KIF1B: variants seen among roughly 807,000 people sequenced by gnomAD.
The protein encoded by KIF1B is kinesin family member 1B.
In KIF1B, 76 loss-of-function variants were observed where a neutral mutation model predicts 241.9. That is an observed-to-expected ratio of 0.31 (90% CI 0.26 to 0.38). KIF1B has a LOEUF of 0.38. KIF1B is among the 10% of genes least tolerant of loss of function. The pLI, the probability that KIF1B is intolerant of heterozygous loss-of-function variation, is 1.00. For synonymous variants in KIF1B, 750 were observed against 796.7 expected (o/e 0.94, Z 0.99); for missense variants, 1,622 against 2,271.4 (o/e 0.71, Z 5.81).
At chr1:10,250,520 G>A (rs1036130099) in intron 2 of KIF1B, among the ~76,000 whole-genome samples, 1 of 151,974 alleles carries the variant, frequency 6.6e-6, no homozygotes, top group Non-Finnish European at 1.5e-5. Context: ...TGTAAATACA[G>A]TATTTTTAAA....
intron 2 of KIF1B, among the ~76,000 whole-genome samples, chr1:10,236,431 A>G (rs1018349488): frequency 6.6e-6 from 1 of 152,232 alleles, no homozygotes; most frequent in Non-Finnish European, 1.5e-5. Context: ...GTTTCCCTGC[A>G]TGTACAATTT....
At chr1:10,216,957 C>CTTTTTTTTTTTTTTTTTTTTTTTT (rs70998362) in intron 1 of KIF1B, among the ~76,000 whole-genome samples, 1 of 54,504 alleles carries the variant, frequency 1.8e-5, no homozygotes, top group African/African-American at 6.6e-5. Context: ...TGCCCATTTT[C>CTTTTTTTTTTTTTTTTTTTTTTTT]TTTTTTTTTT....
intron 22 of KIF1B, among the ~76,000 whole-genome samples, chr1:10,318,212 G>A (rs61778373): frequency 0.016 from 2,421 of 151,522 alleles, 48 homozygotes; most frequent in Non-Finnish European, 0.025. Context: ...GAGAATAACT[G>A]ACAAACGACC....
chr1:10,230,046 G>T (rs1252859679), intron 1 of KIF1B, among the ~76,000 whole-genome samples: 2 of 152,058 alleles, frequency 1.3e-5, no homozygotes, highest in Non-Finnish European at 2.9e-5. Context: ...GTGTTGGTGT[G>T]TGCCTGTAGT....
chr1:10,295,222 A>G, intron 18 of KIF1B, 57 bp downstream of exon 18: 1 of 1,049,140 alleles, frequency 9.5e-7, no homozygotes. Flanking sequence ...TAGATAATTG[A>G]ATAACTAAAG....
chr1:10,335,328 C>T lies in KIF1B; in HGVS notation c.3043+690C>T, dbSNP rs891735344. On this transcript the variant is annotated intron_variant, in intron 28 of 48. Transcript: ENST00000676179. ...AGCGCAGTGGCACAATCTCAACTCACTGCAATCTCTGCTTCCTGGGTTCAA... is the reference window on the plus strand; with the variant it reads ...AGCGCAGTGGCACAATCTCAACTCATTGCAATCTCTGCTTCCTGGGTTCAA... Among the ~76,000 whole-genome samples, 3 of 152,302 alleles carry T rather than the reference C, an allele frequency of 2.0e-5. No individual in the cohort carries two copies. In the South Asian group the frequency reaches 6.2e-4, roughly 32 times the overall value.
chr1:10,360,879 C>G, intron 38 of KIF1B, 50 bp from the exon 39 acceptor site: 1 of 1,267,720 alleles, frequency 7.9e-7, no homozygotes, highest in Non-Finnish European at 1.2e-6. Context: ...CCTGGACTAA[C>G]GTGACTTTAG....
chr1:10,238,927 G>T (rs996899706), intron 2 of KIF1B, among the ~76,000 whole-genome samples: 1 of 151,838 alleles, frequency 6.6e-6, no homozygotes, highest in Non-Finnish European at 1.5e-5. Context: ...GGATTTTTTT[G>T]GTACTTTTTT....
chr1:10,372,591 T>A (rs1408459831), intron 45 of KIF1B, among the ~76,000 whole-genome samples: 27 of 146,884 alleles, frequency 1.8e-4, no homozygotes, highest in Non-Finnish European at 2.9e-4. Flanking sequence ...GGCAGGAAGA[T>A]TGGTTGAACC....
rs1415705591 is a variant in KIF1B, at chr1:10,377,541, G to A, written c.*954G>A. On this transcript the variant is annotated 3_prime_UTR_variant, in exon 49 of 49. Transcript: ENST00000676179. ...TTCTGCTTTTGGCATTAGTGATGGT[G>A]GTGGTACAGTTGGAATTAGTGCCAT... is the stretch of plus-strand genomic sequence containing the variant. 8.9e-6 allele frequency: 2 copies of A among 225,702 alleles called. No individual in the cohort carries two copies. Among genetic ancestry groups the A allele is most frequent in the Admixed American group, 1.1e-4 (2 of 17,490 alleles). The allele number at this position is 225,702 out of a possible 1,614,324, so 14.0% of individuals were successfully genotyped here.
At chr1:10,247,072 C>T (rs1052545630) in intron 2 of KIF1B, among the ~76,000 whole-genome samples, 2 of 152,144 alleles carry the variant, frequency 1.3e-5, no homozygotes, top group African/African-American at 4.8e-5. Flanking sequence ...GCCATGTTGG[C>T]CAGGCTGGTA....
intron 26 of KIF1B, 68 bp downstream of exon 26, chr1:10,324,963 C>G: frequency 3.2e-6 from 5 of 1,562,658 alleles, no homozygotes; most frequent in Non-Finnish European, 4.4e-6. Flanking sequence ...AAAACCTGAG[C>G]AGATAATATA....
chr1:10,374,372 A>G lies in KIF1B; in HGVS notation c.5003A>G (p.Gln1668Arg), dbSNP rs1638828437. The G allele has an allele frequency of 6.2e-7, 1 of 1,614,074 alleles. No individual in the cohort carries two copies. Among genetic ancestry groups the G allele is most frequent in the African/African-American group, 1.3e-5 (1 of 74,924 alleles). The change falls in exon 46 of 49, where the codon CAG (glutamine) becomes CGG (arginine). Residue 1668 changes from glutamine (Q) to arginine (R), a missense_variant. Transcript: ENST00000676179. This position sits in a 1 kb window ranked among gnomAD's most constrained non-coding sequence, Gnocchi z 4.3. ...SSPCPEFEQF[Q>R]IVPAVETPYL... ...CCCTGCCCAGAATTTGAACAGTTTC[A>G]GATTGTCCCAGCTGTGGAAACACCA...
intron 15 of KIF1B, among the ~76,000 whole-genome samples, chr1:10,283,834 ATTCCCC>A (rs1557687253): frequency 6.6e-6 from 1 of 152,232 alleles, no homozygotes; most frequent in East Asian, 1.9e-4. Flanking sequence ...GTCACTTGGT[ATTCCCC>A]TTGACTGCCA....
chr1:10,305,142 C>A lies in KIF1B; in HGVS notation c.2115+7896C>A, dbSNP rs1328748032. On this transcript the variant is annotated intron_variant, in intron 22 of 48. Coordinates refer to ENST00000676179, the MANE Select transcript of KIF1B (RefSeq NM_001365951.3). ...GGCACAGCTTTGGATTTCTCATCCA[C>A]GTCTGTTCCCTTCTTTAAATATGAT... The A allele has an allele frequency of 2.9e-6, 3 of 1,051,720 alleles. No individual in the cohort carries two copies. The South Asian group carries it at 1.3e-4, about 46-fold the overall frequency. The allele number at this position is 1,051,720 out of a possible 1,614,324, so 65.1% of individuals were successfully genotyped here. A position where few individuals can be genotyped will look rare whatever the true frequency, so the allele number is the denominator to read the frequency against.
At chr1:10,371,415 T>C (rs1342897523) in intron 45 of KIF1B, among the ~76,000 whole-genome samples, 153 bp downstream of exon 45, 1 of 152,226 alleles carries the variant, frequency 6.6e-6, no homozygotes, top group African/African-American at 2.4e-5. Flanking sequence ...TCACAGTGAC[T>C]GGAGAGGTGC....
chr1:10,323,614 T>A (rs1338414139), intron 24 of KIF1B, among the ~76,000 whole-genome samples: 2 of 152,122 alleles, frequency 1.3e-5, no homozygotes, highest in Non-Finnish European at 2.9e-5. Context: ...GAGTGTAACC[T>A]TGTCCCCACC....
intron 3 of KIF1B, among the ~76,000 whole-genome samples, chr1:10,256,808 T>C (rs1557668949): frequency 6.6e-6 from 1 of 151,526 alleles, no homozygotes; most frequent in African/African-American, 2.4e-5. Flanking sequence ...GCCTCCGAGG[T>C]TCAAGCGATT....
chr1:10,365,438 G>A lies in KIF1B; in HGVS notation c.4542G>A (p.Leu1514=). 1 of 1,614,154 alleles carries A rather than the reference G, an allele frequency of 6.2e-7. No individual in the cohort carries two copies. The highest frequency in any genetic ancestry group is 1.1e-5 in the South Asian group (1 of 91,090). ...EVEKTRHFLL[L]RERLGDSIPK... Reference sequence around the variant, plus strand: ...AAAAAACCCGCCACTTTTTGCTGCTGCGTGAGAGACTTGGTGACAGCATCC... The same window carrying A: ...AAAAAACCCGCCACTTTTTGCTGCTACGTGAGAGACTTGGTGACAGCATCC... Residue 1514 remains leucine (L), a synonymous_variant, in exon 43 of 49, where the codon CTG becomes CTA. Coordinates refer to ENST00000676179, the MANE Select transcript of KIF1B (RefSeq NM_001365951.3). This position sits in a 1 kb window ranked among gnomAD's most constrained non-coding sequence, Gnocchi z 4.0.
Sources: allele counts gnomAD v4.1 joint callset (sites outside exome capture counted in the v4.1 genomes callset), GRCh38; gene constraint gnomAD v4.1.1; non-coding constraint Gnocchi (gnomAD v3.1); transcripts MANE v1.5; gene names NCBI Gene and HGNC (gene_info 2026-07-23, HGNC 2026-07-21).